The following NBEA variants were observed in gnomAD, a reference collection of about 807,000 sequenced individuals.
NBEA encodes neurobeachin.
Under a neutral mutation model 343.4 loss-of-function variants are expected in NBEA, and 44 were observed. The observed-to-expected ratio is 0.13, with a 90% CI of 0.10 to 0.16. The LOEUF is 0.16. Ranked by LOEUF, NBEA falls within the 10% of genes least tolerant of loss-of-function variation. The pLI is 1.00. For missense variants in NBEA, 2,555 were observed against 3,631.3 expected, an observed-to-expected ratio of 0.70 and a Z score of 7.62; for synonymous variants, 1,175 against 1,238.7, an observed-to-expected ratio of 0.95 and a Z score of 1.08.
chr13:35,546,627 A>G (rs192772373), intron 41 of NBEA, among the ~76,000 whole-genome samples: 3,337 of 150,798 alleles, frequency 0.022, 127 homozygotes, highest in African/African-American at 0.077. Context: ...ATCTCGGCTC[A>G]CTACAACCTC....
chr13:35,540,031 T>C (rs1183884199), intron 41 of NBEA, among the ~76,000 whole-genome samples: 1 of 151,152 alleles, frequency 6.6e-6, no homozygotes, highest in African/African-American at 2.4e-5. Flanking sequence ...AATTAAGTCA[T>C]ATTTGACTAT....
intron 31 of NBEA, among the ~76,000 whole-genome samples, chr13:35,200,964 G>A (rs2072979574): frequency 6.6e-6 from 1 of 150,962 alleles, no homozygotes; most frequent in Non-Finnish European, 1.5e-5. Context: ...AAGTAACTAT[G>A]AAAAATTATA....
At chr13:35,261,255 A>G (rs866790226) in intron 34 of NBEA, among the ~76,000 whole-genome samples, 2 of 152,192 alleles carry the variant, frequency 1.3e-5, no homozygotes, top group Non-Finnish European at 2.9e-5. Flanking sequence ...GCTCATGCCT[A>G]TAATTCCAGC....
At chr13:35,122,938 A>G (rs2066883677) in intron 16 of NBEA, among the ~76,000 whole-genome samples, 1 of 152,200 alleles carries the variant, frequency 6.6e-6, no homozygotes, top group African/African-American at 2.4e-5. Context: ...CCTCATTCCA[A>G]ATTCTCAAAA....
chr13:35,666,847 C>T (rs1375206943), intron 56 of NBEA, among the ~76,000 whole-genome samples: 1 of 152,160 alleles, frequency 6.6e-6, no homozygotes, highest in South Asian at 2.1e-4. Flanking sequence ...GACAAAATAT[C>T]TTTCTGTAGG....
At chr13:35,095,388 A>G (rs979212017) in intron 10 of NBEA, among the ~76,000 whole-genome samples, 2 of 151,408 alleles carry the variant, frequency 1.3e-5, no homozygotes, top group Non-Finnish European at 3.0e-5. Flanking sequence ...TTTGTGGGCC[A>G]AGACTGTTGT....
At chr13:35,187,440 A>G (rs2071801569) in intron 30 of NBEA, among the ~76,000 whole-genome samples, 1 of 150,476 alleles carries the variant, frequency 6.6e-6, no homozygotes, top group South Asian at 2.1e-4. Context: ...ACAACATAGT[A>G]ACAGTAAGTA....
At chr13:35,182,618 A>G in intron 29 of NBEA, 90 bp downstream of exon 29, 1 of 1,182,132 alleles carries the variant, frequency 8.5e-7, no homozygotes, top group Non-Finnish European at 1.2e-6. Context: ...GGACCTCTTC[A>G]TAATCACCTC....
intron 1 of NBEA, among the ~76,000 whole-genome samples, chr13:35,024,884 G>T (rs1426173227): frequency 6.6e-6 from 1 of 152,000 alleles, no homozygotes; most frequent in Non-Finnish European, 1.5e-5. Context: ...ACTGGTGTGA[G>T]ATCTTACCTC....
At chr13:35,551,494 C>G (rs2079323481) in intron 43 of NBEA, among the ~76,000 whole-genome samples, 1 of 152,074 alleles carries the variant, frequency 6.6e-6, no homozygotes. Flanking sequence ...ACCACATTTC[C>G]TAGATTTTCA....
chr13:34,955,952 G>T (rs1260880094), intron 1 of NBEA, among the ~76,000 whole-genome samples: 1 of 152,036 alleles, frequency 6.6e-6, no homozygotes, highest in Non-Finnish European at 1.5e-5. Flanking sequence ...GCATTCTCTG[G>T]CCCAGTTAAG....
chr13:35,543,437 T>G (rs1036148472), intron 41 of NBEA, among the ~76,000 whole-genome samples: 1 of 152,234 alleles, frequency 6.6e-6, no homozygotes, highest in Admixed American at 6.5e-5. Context: ...CAGAAGTTAT[T>G]TTTAATTATC....
chr13:35,505,284 G>C (rs974108263), intron 41 of NBEA, among the ~76,000 whole-genome samples: 9 of 152,100 alleles, frequency 5.9e-5, no homozygotes, highest in African/African-American at 2.2e-4. Context: ...CCTATAAATA[G>C]CTAACTATTA....
At chr13:35,449,416 A>G (rs939597693) in intron 39 of NBEA, among the ~76,000 whole-genome samples, 2 of 152,200 alleles carry the variant, frequency 1.3e-5, no homozygotes, top group African/African-American at 2.4e-5. Flanking sequence ...GCTAAAGTAC[A>G]TGGTTGGCCA....
intron 1 of NBEA, among the ~76,000 whole-genome samples, chr13:35,018,117 T>A (rs1452727891): frequency 6.6e-6 from 1 of 152,194 alleles, no homozygotes; most frequent in Non-Finnish European, 1.5e-5. Context: ...ATGTCTATTC[T>A]TATGGTAATG....
chr13:35,247,804 T>C (rs1032981773), intron 34 of NBEA, among the ~76,000 whole-genome samples: 1 of 152,040 alleles, frequency 6.6e-6, no homozygotes, highest in Non-Finnish European at 1.5e-5. Context: ...CTATCTGCCA[T>C]TTTTTCATCT....
At chr13:35,014,393 C>T (rs1437392389) in intron 1 of NBEA, among the ~76,000 whole-genome samples, 1 of 152,052 alleles carries the variant, frequency 6.6e-6, no homozygotes, top group African/African-American at 2.4e-5. Context: ...TACTCTGATG[C>T]CAAAGTTGTT....
intron 38 of NBEA, among the ~76,000 whole-genome samples, chr13:35,426,887 C>A (rs2044715462): frequency 6.6e-6 from 1 of 152,108 alleles, no homozygotes; most frequent in South Asian, 2.1e-4. Context: ...TCATTTCATT[C>A]ATTTTATCTT....
chr13:35,631,824 CAG>C (rs2083468214), intron 49 of NBEA, among the ~76,000 whole-genome samples: 1 of 152,096 alleles, frequency 6.6e-6, no homozygotes, highest in African/African-American at 2.4e-5. Flanking sequence ...GTCAGAATAA[CAG>C]ATAATTTTCT....
Sources: gnomAD v4.1 joint callset for allele counts (sites outside exome capture counted in the v4.1 genomes callset) on GRCh38, gnomAD v4.1.1 for gene constraint, MANE v1.5 for transcripts, NCBI Gene and HGNC (gene_info 2026-07-23, HGNC 2026-07-21) for gene names.